HELLS: variants seen among roughly 807,000 people sequenced by gnomAD.
HELLS encodes lymphoid-specific helicase.
A neutral mutation model predicts 120.0 loss-of-function variants in HELLS; 32 were observed. That is an observed-to-expected ratio of 0.27 (90% CI 0.20 to 0.36). The LOEUF (loss-of-function observed/expected upper bound fraction) is 0.36, where lower values mean the gene tolerates loss of function less well. HELLS is among the 10% of genes least tolerant of loss of function. HELLS has a pLI of 1.00. For missense variants in HELLS, 650 were observed against 993.4 expected (o/e 0.65, Z 4.65); for synonymous variants, 341 against 323.4 (o/e 1.05, Z -0.58).
At chr10:94,589,157 T>TA (rs1328774940) in intron 13 of HELLS, among the ~76,000 whole-genome samples, 2 of 150,892 alleles carry the variant, frequency 1.3e-5, no homozygotes, top group Admixed American at 6.6e-5. Flanking sequence ...TCAAAAAAAA[T>TA]AAATAAAAAA....
intron 19 of HELLS, 95 bp downstream of exon 19, chr10:94,594,949 G>A (rs975049798): frequency 8.5e-6 from 8 of 939,904 alleles, no homozygotes; most frequent in East Asian, 5.3e-5. Flanking sequence ...TACAGCCTGG[G>A]CCGAGTTCTG....
chr10:94,597,383 A>G (rs530684101), intron 21 of HELLS, among the ~76,000 whole-genome samples: 1 of 152,322 alleles, frequency 6.6e-6, no homozygotes, highest in African/African-American at 2.4e-5. Context: ...TTAGTTAAGA[A>G]TACCAGTGCT....
intron 13 of HELLS, among the ~76,000 whole-genome samples, chr10:94,589,796 C>G (rs1013965792): frequency 6.7e-6 from 1 of 150,332 alleles, no homozygotes; most frequent in African/African-American, 2.5e-5. Flanking sequence ...ATGCCATTCT[C>G]CTGCCTCAGC....
chr10:94,608,477 T>A (rs551503006), intron 9 of HELLS, among the ~76,000 whole-genome samples: 13 of 152,304 alleles, frequency 8.5e-5, no homozygotes, highest in African/African-American at 1.9e-4. Context: ...AGGACATTTT[T>A]AAAATAATAT....
chr10:94,599,358 ATTTT>A (rs948692315), intron 21 of HELLS, among the ~76,000 whole-genome samples: 2 of 151,546 alleles, frequency 1.3e-5, no homozygotes, highest in Non-Finnish European at 2.9e-5. Context: ...CATCTTCATA[ATTTT>A]TTTTTATTTG....
intron 19 of HELLS, among the ~76,000 whole-genome samples, chr10:94,595,547 G>T (rs1216988087): frequency 6.6e-6 from 1 of 152,108 alleles, no homozygotes; most frequent in Non-Finnish European, 1.5e-5. Context: ...ACTGCAGAAT[G>T]CCCTTTTTAT....
At chr10:94,563,483 T>C (rs1342214771) in intron 6 of HELLS, among the ~76,000 whole-genome samples, 2 of 152,086 alleles carry the variant, frequency 1.3e-5, no homozygotes, top group African/African-American at 4.8e-5. Flanking sequence ...CTTCCTTCTT[T>C]TTTTTCTTCT....
intron 12 of HELLS, 61 bp downstream of exon 12, chr10:94,583,120 G>A (rs1844956584): frequency 4.7e-6 from 4 of 849,988 alleles, no homozygotes; most frequent in African/African-American, 3.5e-5. Flanking sequence ...AAGGAACTCT[G>A]GAGATCACCT....
At chr10:94,577,099 A>G in intron 10 of HELLS, 1 of 502,078 alleles carries the variant, frequency 2.0e-6, no homozygotes, top group Non-Finnish European at 3.7e-6. Context: ...TGTGACAGGT[A>G]CTTTGAATAT....
Position 94,597,074 on chromosome 10 carries a change from A to G in HELLS, c.2385A>G (p.Lys795=). 1 of 1,600,356 alleles carries G rather than the reference A, an allele frequency of 6.2e-7. No homozygotes were observed. Among genetic ancestry groups the G allele is most frequent in the Non-Finnish European group, 8.6e-7 (1 of 1,168,248 alleles). ...KGSREKVISD[K]DLELLLDRSD... ...CAAGAGAGAAGGTCATTAGTGATAA[A>G]GATCTAGAGTTGTTGTTAGATCGAA... The change falls in exon 21 of 22, where the codon AAA becomes AAG. Residue 795 remains lysine (K), a synonymous_variant. Coordinates refer to ENST00000348459, the MANE Select transcript of HELLS (RefSeq NM_018063.5).
At chr10:94,588,469 G>C in intron 13 of HELLS, 79 bp downstream of exon 13, 1 of 1,080,976 alleles carries the variant, frequency 9.3e-7, no homozygotes, top group Non-Finnish European at 1.3e-6. Flanking sequence ...TTTGAGAGAA[G>C]GTGTCGCTCT....
At position 94,594,619 on chromosome 10, in the gene HELLS, G is replaced by A. The variant is rs75746732; in HGVS notation, c.2089-76G>A. On this transcript the variant is annotated intron_variant, in intron 18 of 21. Coordinates refer to ENST00000348459, the MANE Select transcript of HELLS (RefSeq NM_018063.5). Reference sequence around the variant, plus strand: ...AAAAGTTCCTGGCTAGATCATTCATGTTGACTTTATCCACATGAGTTTATG... The same window carrying A: ...AAAAGTTCCTGGCTAGATCATTCATATTGACTTTATCCACATGAGTTTATG... The A allele has an allele frequency of 7.8e-4, 890 of 1,135,120 alleles. 8 individuals are homozygous for A. In the African/African-American group the frequency reaches 0.013, roughly 16 times the overall value. 70.3% of individuals were successfully genotyped at this position (1,135,120 alleles called of 1,614,324 possible).
Position 94,576,710 on chromosome 10 carries a change from G to T in HELLS, c.937G>T (p.Val313Leu). The change falls in exon 10 of 22, where the codon GTA becomes TTA. Residue 313 changes from valine to leucine, a missense_variant. This residue lies in a region of HELLS where 61 missense variants were observed against 86.5 expected (regional missense o/e 0.71). Transcript: ENST00000348459. ...AACCCAGGAGGAACGTCAAAAATTG[G>T]TAAGAAATATTTACAAACGGAAAGG... ...HGTQEERQKL[V>L]RNIYKRKGTL... 6.2e-7 allele frequency: 1 copy of T among 1,610,474 alleles called. No homozygotes were observed. Among genetic ancestry groups the T allele is most frequent in the Non-Finnish European group, 8.5e-7 (1 of 1,177,180 alleles).
chr10:94,585,697 T>C (rs2134091741), intron 12 of HELLS, among the ~76,000 whole-genome samples: 1 of 151,886 alleles, frequency 6.6e-6, no homozygotes, highest in African/African-American at 2.4e-5. Flanking sequence ...AGATTTTTTT[T>C]TTTTTTTTTA....
At chr10:94,579,953 A>G (rs2134073150) in intron 10 of HELLS, among the ~76,000 whole-genome samples, 1 of 151,788 alleles carries the variant, frequency 6.6e-6, no homozygotes, top group Admixed American at 6.6e-5. Context: ...AGCTTATATT[A>G]TCATTTCAAG....
chr10:94,545,996 G>C, intron 1 of HELLS, 44 bp downstream of exon 1: 1 of 1,549,980 alleles, frequency 6.5e-7, no homozygotes, highest in Non-Finnish European at 8.7e-7. Context: ...AGCCTGCGGG[G>C]CTGAGGTGGG....
At chr10:94,585,527 G>A (rs1242806384) in intron 12 of HELLS, among the ~76,000 whole-genome samples, 3 of 151,072 alleles carry the variant, frequency 2.0e-5, no homozygotes, top group Non-Finnish European at 4.4e-5. Context: ...GATTACAGGC[G>A]TGTGCCACCA....
At chr10:94,575,437 A>G (rs1224563002) in intron 9 of HELLS, among the ~76,000 whole-genome samples, 2 of 151,342 alleles carry the variant, frequency 1.3e-5, no homozygotes, top group Non-Finnish European at 1.5e-5. Flanking sequence ...TATGAGAAAT[A>G]TATATATTCT....
At chr10:94,583,093 G>A in intron 12 of HELLS, 34 bp downstream of exon 12, 1 of 1,259,704 alleles carries the variant, frequency 7.9e-7, no homozygotes, top group Non-Finnish European at 1.1e-6. Flanking sequence ...CTTAACCATA[G>A]GCTCGATAGA....
Sources: allele counts gnomAD v4.1 joint callset (sites outside exome capture counted in the v4.1 genomes callset), GRCh38; gene constraint gnomAD v4.1.1; regional missense constraint gnomAD v4.1.1; transcripts MANE v1.5; gene names NCBI Gene and HGNC (gene_info 2026-07-23, HGNC 2026-07-21).